RBMS3: variants seen among roughly 807,000 people sequenced by gnomAD.
The protein encoded by RBMS3 is RNA binding motif single stranded interacting protein 3.
RBMS3 carries 27 observed loss-of-function variants against 66.8 expected under a neutral mutation model. The observed-to-expected ratio is 0.40, with a 90% CI of 0.30 to 0.56. The LOEUF (loss-of-function observed/expected upper bound fraction) is 0.56. RBMS3 is among the 20% of genes least tolerant of loss of function. The pLI, the probability that RBMS3 is intolerant of heterozygous loss-of-function variation, is 0.40. For missense variants in RBMS3, 513 were observed against 549.5 expected, an observed-to-expected ratio of 0.93 and a Z score of 0.66; for synonymous variants, 188 against 183.0, an observed-to-expected ratio of 1.03 and a Z score of -0.22.
intron 14 of RBMS3, among the ~76,000 whole-genome samples, chr3:29,994,076 C>T (rs374080549): frequency 1.1e-3 from 174 of 152,212 alleles, no homozygotes; most frequent in Admixed American, 2.1e-3. Flanking sequence ...GTGCATGCAC[C>T]GTGCGCAAGC....
chr3:29,395,813 G>C (rs2039520279), intron 1 of RBMS3, among the ~76,000 whole-genome samples: 1 of 152,074 alleles, frequency 6.6e-6, no homozygotes. Context: ...AGTAATAAAG[G>C]GTGTTGAGTG....
intron 1 of RBMS3, among the ~76,000 whole-genome samples, chr3:29,332,941 T>C (rs944012819): frequency 4.6e-5 from 7 of 152,168 alleles, no homozygotes; most frequent in African/African-American, 1.7e-4. Context: ...CTTCATACCA[T>C]TGTTGTAGAC....
intron 12 of RBMS3, among the ~76,000 whole-genome samples, chr3:29,972,978 A>G (rs947260845): frequency 2.6e-5 from 4 of 152,062 alleles, no homozygotes; most frequent in African/African-American, 7.2e-5. Flanking sequence ...GACAAAATTA[A>G]ATGAACCTAA....
chr3:29,387,987 A>G (rs1357136827), intron 1 of RBMS3, among the ~76,000 whole-genome samples: 1 of 151,296 alleles, frequency 6.6e-6, no homozygotes, highest in South Asian at 2.1e-4. Context: ...TACCACTCCC[A>G]CCCTCATTTA....
chr3:29,737,623 A>G (rs772686160), intron 4 of RBMS3, among the ~76,000 whole-genome samples: 2 of 152,232 alleles, frequency 1.3e-5, no homozygotes, highest in African/African-American at 2.4e-5. Flanking sequence ...TGAATGGTGA[A>G]ATACTATGAA....
intron 4 of RBMS3, among the ~76,000 whole-genome samples, chr3:29,657,248 T>C (rs915392323): frequency 6.6e-6 from 1 of 152,228 alleles, no homozygotes; most frequent in Non-Finnish European, 1.5e-5. Flanking sequence ...ATATGGTTAA[T>C]TCATTTAACA....
intron 1 of RBMS3, among the ~76,000 whole-genome samples, chr3:29,333,840 T>C (rs1369611050): frequency 6.6e-6 from 1 of 152,212 alleles, no homozygotes; most frequent in Non-Finnish European, 1.5e-5. Context: ...CTTTATAGGA[T>C]ACCCTGAAAA....
intron 3 of RBMS3, among the ~76,000 whole-genome samples, chr3:29,517,326 T>TG (rs200857999): frequency 0.013 from 1,773 of 134,466 alleles, 49 homozygotes; most frequent in African/African-American, 0.056. Context: ...TATATTTTTT[T>TG]TTTGTTTTTT....
At chr3:29,950,873 T>C (rs567961902) in intron 12 of RBMS3, among the ~76,000 whole-genome samples, 2 of 152,006 alleles carry the variant, frequency 1.3e-5, no homozygotes, top group African/African-American at 4.8e-5. Context: ...AATAGATCCT[T>C]GAGTTCAGTG....
At chr3:29,969,316 TA>T (rs1485119472) in intron 12 of RBMS3, among the ~76,000 whole-genome samples, 1 of 152,230 alleles carries the variant, frequency 6.6e-6, no homozygotes, top group African/African-American at 2.4e-5. Context: ...TCTAAATTCA[TA>T]TGATCTCCCC....
chr3:29,388,875 T>C (rs2039143392), intron 1 of RBMS3, among the ~76,000 whole-genome samples: 1 of 152,230 alleles, frequency 6.6e-6, no homozygotes, highest in African/African-American at 2.4e-5. Context: ...AAAATTTTTC[T>C]GTTGCAATGA....
At chr3:29,472,721 C>T (rs986033134) in intron 2 of RBMS3, among the ~76,000 whole-genome samples, 1 of 148,936 alleles carries the variant, frequency 6.7e-6, no homozygotes, top group Admixed American at 6.7e-5. Context: ...GTCTCGCTGG[C>T]TTCAGGAGTG....
At chr3:29,897,301 T>C (rs1313550118) in intron 8 of RBMS3, 78 bp from the exon 9 acceptor site, 3 of 1,271,638 alleles carry the variant, frequency 2.4e-6, no homozygotes, top group Non-Finnish European at 2.3e-6. Context: ...GTCTTTCCCA[T>C]AGGTACTTGA....
intron 2 of RBMS3, among the ~76,000 whole-genome samples, chr3:29,477,285 T>A (rs2042978652): frequency 6.6e-6 from 1 of 152,184 alleles, no homozygotes; most frequent in African/African-American, 2.4e-5. Context: ...GAGTATGCAC[T>A]TTGTCACTTT....
At chr3:29,931,308 A>G (rs2061117096) in intron 10 of RBMS3, among the ~76,000 whole-genome samples, 1 of 152,214 alleles carries the variant, frequency 6.6e-6, no homozygotes, top group African/African-American at 2.4e-5. Flanking sequence ...CAAGTAGACA[A>G]TAATAAAGGG....
intron 3 of RBMS3, among the ~76,000 whole-genome samples, chr3:29,532,058 C>T (rs35911): frequency 0.55 from 82,796 of 151,344 alleles, 23,924 homozygotes; most frequent in African/African-American, 0.73. Flanking sequence ...GATAACATTG[C>T]AGCCATTCAA....
intron 1 of RBMS3, among the ~76,000 whole-genome samples, chr3:29,411,444 T>G (rs563987496): frequency 6.6e-6 from 1 of 152,330 alleles, no homozygotes; most frequent in East Asian, 1.9e-4. Flanking sequence ...TTTTGATCAT[T>G]TTGGCACTAA....
intron 1 of RBMS3, among the ~76,000 whole-genome samples, chr3:29,323,945 G>A (rs750414540): frequency 3.3e-5 from 5 of 149,486 alleles, no homozygotes; most frequent in Non-Finnish European, 7.4e-5. Flanking sequence ...TATTACCCTT[G>A]TTCAAACAGG....
intron 10 of RBMS3, among the ~76,000 whole-genome samples, chr3:29,906,200 A>G (rs1383989540): frequency 6.6e-6 from 1 of 151,966 alleles, no homozygotes; most frequent in African/African-American, 2.4e-5. Context: ...TTGTTATTAT[A>G]TGTTTTAGTT....
Sources: gnomAD v4.1 joint callset for allele counts (sites outside exome capture counted in the v4.1 genomes callset) on GRCh38, gnomAD v4.1.1 for gene constraint, MANE v1.5 for transcripts, NCBI Gene and HGNC (gene_info 2026-07-23, HGNC 2026-07-21) for gene names.